The following CEP112 variants were observed in gnomAD, a reference collection of about 807,000 sequenced individuals.
The protein encoded by CEP112 is centrosomal protein of 112 kDa.
Under a neutral mutation model 153.0 loss-of-function variants are expected in CEP112, and 127 were observed. The observed-to-expected ratio is 0.83, with a 90% CI of 0.72 to 0.96. CEP112 has a LOEUF of 0.96. Ranked by LOEUF, CEP112 falls within the 40% of genes least tolerant of loss-of-function variation. The pLI, the probability that CEP112 is intolerant of heterozygous loss-of-function variation, is 0.00. For missense variants in CEP112, 1,089 were observed against 1,101.2 expected (o/e 0.99, Z 0.16); for synonymous variants, 358 against 374.4 (o/e 0.96, Z 0.51).
At chr17:65,728,738 G>C (rs970129211) in intron 23 of CEP112, among the ~76,000 whole-genome samples, 4 of 152,050 alleles carry the variant, frequency 2.6e-5, no homozygotes, top group African/African-American at 9.7e-5. Context: ...CAGTATAAAA[G>C]ATACAAAATG....
At position 66,034,976 on chromosome 17, in the gene CEP112, G is replaced by GTGTGTGTGTGTGTGTGTGTGTGTGTA. The variant is rs1255011364; in HGVS notation, c.1219-4954_1219-4953insTACACACACACACACACACACACACA. Among the ~76,000 whole-genome samples, 7 of 13,444 alleles carry GTGTGTGTGTGTGTGTGTGTGTGTGTA rather than the reference G, an allele frequency of 5.2e-4. 1 individual carries two copies. The highest frequency in any genetic ancestry group is 9.9e-4 in the Non-Finnish European group (6 of 6,076). 8.8% of individuals were successfully genotyped at this position (13,444 alleles called of 152,430 possible). A position where few individuals can be genotyped will look rare whatever the true frequency, so the allele number is the denominator to read the frequency against. On this transcript the variant is annotated intron_variant, in intron 12 of 26. Coordinates refer to ENST00000535342, the MANE Select transcript of CEP112 (RefSeq NM_001199165.4). ...ACCATGCCCAGCTAAGTTTTTGCAT[G>GTGTGTGTGTGTGTGTGTGTGTGTGTA]TATATATATATATATACATATATAT...
At chr17:65,983,343 G>A (rs2063295371) in intron 17 of CEP112, among the ~76,000 whole-genome samples, 2 of 152,134 alleles carry the variant, frequency 1.3e-5, no homozygotes, top group South Asian at 2.1e-4. Context: ...CCGCACGCCC[G>A]CCATGTAATT....
At chr17:65,837,542 A>T (rs1166725615) in intron 21 of CEP112, among the ~76,000 whole-genome samples, 3 of 149,856 alleles carry the variant, frequency 2.0e-5, no homozygotes, top group Non-Finnish European at 4.4e-5. Context: ...ACCCTGTCCG[A>T]GAAGTGAGGA....
intron 17 of CEP112, among the ~76,000 whole-genome samples, chr17:65,970,626 A>T (rs68032452): frequency 6.6e-6 from 1 of 151,714 alleles, no homozygotes; most frequent in South Asian, 2.1e-4. Context: ...ATGGAATGGA[A>T]GCATATTACA....
intron 15 of CEP112, among the ~76,000 whole-genome samples, 170 bp from the exon 16 acceptor site, chr17:66,027,730 AG>A (rs1260732926): frequency 5.8e-4 from 89 of 152,310 alleles, no homozygotes; most frequent in African/African-American, 2.1e-3. Context: ...TTGTATTACG[AG>A]GCATAAAATC....
chr17:65,779,143 T>C (rs1171812781), intron 21 of CEP112, among the ~76,000 whole-genome samples: 1 of 152,158 alleles, frequency 6.6e-6, no homozygotes, highest in Non-Finnish European at 1.5e-5. Context: ...TTAATATCAA[T>C]TCAAAGAAAA....
intron 23 of CEP112, among the ~76,000 whole-genome samples, chr17:65,734,635 T>C (rs1199405240): frequency 6.6e-6 from 1 of 152,208 alleles, no homozygotes; most frequent in Admixed American, 6.5e-5. Flanking sequence ...CTTTTCAATG[T>C]CTGATTTGAT....
At chr17:65,723,821 T>C (rs918662608) in intron 23 of CEP112, among the ~76,000 whole-genome samples, 7 of 152,246 alleles carry the variant, frequency 4.6e-5, no homozygotes, top group Admixed American at 3.9e-4. Flanking sequence ...TGTAAAATGT[T>C]ACTTCTTAAA....
chr17:66,042,260 G>A (rs923180938), intron 12 of CEP112, among the ~76,000 whole-genome samples: 6 of 152,172 alleles, frequency 3.9e-5, no homozygotes, highest in African/African-American at 1.4e-4. Flanking sequence ...TGAAGCAGGA[G>A]AATCACCTGA....
chr17:65,916,910 C>A (rs944683932), intron 19 of CEP112, among the ~76,000 whole-genome samples: 1 of 152,002 alleles, frequency 6.6e-6, no homozygotes, highest in Non-Finnish European at 1.5e-5. Context: ...TAGATGAGAA[C>A]AGCTCCAGGC....
At chr17:65,802,787 T>C (rs537122308) in intron 21 of CEP112, among the ~76,000 whole-genome samples, 1 of 152,360 alleles carries the variant, frequency 6.6e-6, no homozygotes, top group African/African-American at 2.4e-5. Context: ...CTCAGCCAAA[T>C]GCTTTATCTG....
At chr17:65,636,119 G>C (rs1295667887) in intron 26 of CEP112, 145 bp from the exon 27 acceptor site, 3 of 752,062 alleles carry the variant, frequency 4.0e-6, no homozygotes, top group Non-Finnish European at 6.6e-6. Context: ...TATCTATAAG[G>C]GATCAAATCT....
intron 9 of CEP112, among the ~76,000 whole-genome samples, chr17:66,069,059 A>C (rs2067220309): frequency 6.6e-6 from 1 of 151,710 alleles, no homozygotes; most frequent in Non-Finnish European, 1.5e-5. Context: ...TTTAAAGGAC[A>C]AGCCAAATAC....
intron 23 of CEP112, among the ~76,000 whole-genome samples, 188 bp downstream of exon 23, chr17:65,742,880 G>A (rs774388318): frequency 1.3e-5 from 2 of 152,162 alleles, no homozygotes; most frequent in African/African-American, 2.4e-5. Flanking sequence ...GCTGGCATGC[G>A]ATCTCTTAGA....
rs151303533 is a variant in CEP112, at chr17:65,870,241, G to A, written c.2164-18207C>T. ...TTGTTTTTTTGTGAGTAATGATACC[G>A]GTAAAGATTCATAACTGATGTTGAA... is the stretch of plus-strand genomic sequence containing the variant. On this transcript the variant is annotated intron_variant, in intron 20 of 26. Transcript: ENST00000535342. Among the ~76,000 whole-genome samples, 338 of 151,990 alleles carry A rather than the reference G, an allele frequency of 2.2e-3. 10 individuals carry two copies. In the East Asian group the frequency reaches 0.058, roughly 26 times the overall value.
chr17:65,942,128 G>T (rs1183836314), intron 18 of CEP112, among the ~76,000 whole-genome samples: 2 of 152,174 alleles, frequency 1.3e-5, no homozygotes, highest in Non-Finnish European at 2.9e-5. Flanking sequence ...GAGTGGCAGG[G>T]TGAGTGAGCA....
At chr17:65,938,982 T>C (rs899188838) in intron 18 of CEP112, among the ~76,000 whole-genome samples, 1 of 152,006 alleles carries the variant, frequency 6.6e-6, no homozygotes, top group Non-Finnish European at 1.5e-5. Flanking sequence ...CAACTAATTG[T>C]TGTATTTTTT....
At chr17:65,852,066 G>A (rs1478519396) in intron 20 of CEP112, 32 bp from the exon 21 acceptor site, 2 of 1,468,824 alleles carry the variant, frequency 1.4e-6, no homozygotes, top group African/African-American at 1.4e-5. Context: ...ATGGGCAGAA[G>A]ATATCAATAG....
At chr17:65,762,991 G>T (rs560068844) in intron 21 of CEP112, among the ~76,000 whole-genome samples, 1 of 152,000 alleles carries the variant, frequency 6.6e-6, no homozygotes, top group South Asian at 2.1e-4. Context: ...TGTGAGGCAG[G>T]TCTACTGGCA....
Sources: gnomAD v4.1 joint callset for allele counts (sites outside exome capture counted in the v4.1 genomes callset) on GRCh38, gnomAD v4.1.1 for gene constraint, MANE v1.5 for transcripts, NCBI Gene and HGNC (gene_info 2026-07-23, HGNC 2026-07-21) for gene names.